CDK9: variants seen among roughly 807,000 people sequenced by gnomAD.
The protein encoded by CDK9 is cyclin-dependent kinase 9.
CDK9 carries 34 observed loss-of-function variants against 39.0 expected under a neutral mutation model. The ratio of observed to expected loss-of-function variants is 0.87; its 90% CI spans 0.66 to 1.16. CDK9 has a LOEUF of 1.16. CDK9 is among the 50% of genes most tolerant of loss of function. CDK9 has a pLI of 0.00. For synonymous variants in CDK9, 233 were observed against 196.2 expected, an observed-to-expected ratio of 1.19 and a Z score of -1.57; for missense variants, 369 against 503.2, an observed-to-expected ratio of 0.73 and a Z score of 2.55.
rs1286065733 is a variant in CDK9, at chr9:127,786,112, A to G, written c.-37A>G. On this transcript the variant is annotated 5_prime_UTR_variant, in exon 1 of 7. Coordinates refer to ENST00000373264, the MANE Select transcript of CDK9 (RefSeq NM_001261.4). ...GACCCGGAGCAGGAGCGGCGGCAGC[A>G]GCGACTGGGGGCGGCGGCGGCGCGT... is the stretch of plus-strand genomic sequence containing the variant. The G allele has an allele frequency of 1.3e-6, 2 of 1,521,852 alleles. No homozygotes were observed. The highest frequency in any genetic ancestry group is 1.4e-5 in the African/African-American group (1 of 69,994). 94.3% of individuals were successfully genotyped at this position (1,521,852 alleles called of 1,614,324 possible).
intron 5 of CDK9, 25 bp downstream of exon 5, chr9:127,788,410 G>A (rs375548421): frequency 3.1e-6 from 5 of 1,601,434 alleles, no homozygotes; most frequent in African/African-American, 1.3e-5. Flanking sequence ...GCGGGCCAAG[G>A]GGGGTGAGGG....
intron 3 of CDK9, 109 bp from the exon 4 acceptor site, chr9:127,787,838 T>A (rs1829358149): frequency 1.7e-6 from 2 of 1,177,438 alleles, no homozygotes; most frequent in Admixed American, 3.6e-5. Context: ...ACAGATGCTC[T>A]GGAGGGCATG....
intron 3 of CDK9, 99 bp downstream of exon 3, chr9:127,787,707 A>G: frequency 1.0e-6 from 1 of 966,636 alleles, no homozygotes; most frequent in Non-Finnish European, 1.7e-6. Flanking sequence ...TTCTTAACTC[A>G]GATGGACCCA....
rs200127201 is a variant in CDK9 at position 127,786,678 on chromosome 9, C to T, written c.93-23C>T. The T allele has an allele frequency of 1.4e-5, 23 of 1,608,804 alleles. No individual in the cohort carries two copies. The African/African-American group carries it at 2.7e-4, about 19-fold the overall frequency. Reference sequence around the variant, plus strand: ...CTGCGGAAATGGCCTGATGAGTTCTCGGGTCTCCCTTTCCGCCTGCAGGGA... The same window carrying T: ...CTGCGGAAATGGCCTGATGAGTTCTTGGGTCTCCCTTTCCGCCTGCAGGGA... On this transcript the variant is annotated intron_variant, in intron 1 of 6. Transcript: ENST00000373264.
chr9:127,790,095 T>C lies in CDK9; in HGVS notation c.*552T>C, dbSNP rs1050937826. Reference sequence around the variant, plus strand: ...ATTTTTTTTTTTTTTAAATTTTTTTTTTTCCTCCAGGACTTGTGTGTTTTG... The same window carrying C: ...ATTTTTTTTTTTTTTAAATTTTTTTCTTTCCTCCAGGACTTGTGTGTTTTG... On this transcript the variant is annotated 3_prime_UTR_variant, in exon 7 of 7. Coordinates refer to ENST00000373264, the MANE Select transcript of CDK9 (RefSeq NM_001261.4). 6 of 152,990 alleles carry C rather than the reference T, an allele frequency of 3.9e-5. No homozygotes were observed. In the East Asian group the frequency reaches 1.2e-3, roughly 29 times the overall value. 9.5% of individuals were successfully genotyped at this position (152,990 alleles called of 1,614,324 possible).
At chr9:127,788,779 C>T (rs1464229470) in intron 6 of CDK9, 87 bp downstream of exon 6, 4 of 1,354,438 alleles carry the variant, frequency 3.0e-6, no homozygotes, top group Non-Finnish European at 2.0e-6. Context: ...GAGCGCTCCT[C>T]TCTGGAAGGG....
At position 127,788,283 on chromosome 9, in the gene CDK9, T is replaced by G; in HGVS notation, c.502T>G (p.Phe168Val). 1 of 1,613,630 alleles carries G rather than the reference T, an allele frequency of 6.2e-7. No individual in the cohort carries two copies. The highest frequency in any genetic ancestry group is 8.5e-7 in the Non-Finnish European group (1 of 1,180,022). The change falls in exon 5 of 7, where the codon TTT (phenylalanine) becomes GTT (valine). Residue 168 changes from phenylalanine to valine, a missense_variant. Physicochemically the swap from Phe to Val is conservative, Grantham distance 50. Coordinates refer to ENST00000373264, the MANE Select transcript of CDK9 (RefSeq NM_001261.4). ...TRDGVLKLAD[F>V]GLARAFSLAK... ...TGATGGGGTCCTGAAGCTGGCAGAC[T>G]TTGGGCTGGCCCGGGCCTTCAGCCT...
In CDK9 at chr9:127,788,834, G is replaced by T. The variant is rs189495293; in HGVS notation, c.753+142G>T. ...GCCTGTCTTGGGGTGGGGAGTGTGT[G>T]GGAGAAAAAAACACCTGACACAGGC... is the stretch of plus-strand genomic sequence containing the variant. On this transcript the variant is annotated intron_variant, in intron 6 of 6. Coordinates refer to ENST00000373264, the MANE Select transcript of CDK9 (RefSeq NM_001261.4). 146 of 891,732 alleles carry T rather than the reference G, an allele frequency of 1.6e-4. 1 individual carries two copies. In the East Asian group the frequency reaches 3.8e-3, roughly 23 times the overall value. The allele number at this position is 891,732 out of a possible 1,614,324, so 55.2% of individuals were successfully genotyped here.
In CDK9 at chr9:127,788,198, C is replaced by G; in HGVS notation, c.433-16C>G. On this transcript the variant is annotated splice_polypyrimidine_tract_variant and intron_variant, in intron 4 of 6. Transcript: ENST00000373264. Reference sequence around the variant, plus strand: ...GGTGGATGTCACTAAAGGACCCACTCTTGCCCTTCCTGCAGATCCTGCATA... The same window carrying G: ...GGTGGATGTCACTAAAGGACCCACTGTTGCCCTTCCTGCAGATCCTGCATA... 3 of 1,613,906 alleles carry G rather than the reference C, an allele frequency of 1.9e-6. No individual in the cohort carries two copies. In the East Asian group the frequency reaches 6.7e-5, roughly 36 times the overall value.
rs778807180 is a variant in CDK9 at position 127,786,121 on chromosome 9, GGGC to G, written c.-17_-15del. The G allele has an allele frequency of 8.4e-6, 13 of 1,555,812 alleles. No individual in the cohort carries two copies. The highest frequency in any genetic ancestry group is 5.6e-5 in the African/African-American group (4 of 71,006). On this transcript the variant is annotated 5_prime_UTR_variant, in exon 1 of 7. Transcript: ENST00000373264. ...CAGGAGCGGCGGCAGCAGCGACTGG[GGGC>G]GGCGGCGGCGCGTTGGAGGCGGCCA...
rs1041197079 is a variant in CDK9, at chr9:127,789,971, CTTGG to C, written c.*431_*434del. ...AGAAACACTGGGGCTGGCACAAACT[CTTGG>C]TTTCTTCAACAGGAGAATTTTACTG... On this transcript the variant is annotated 3_prime_UTR_variant, in exon 7 of 7. Coordinates refer to ENST00000373264, the MANE Select transcript of CDK9 (RefSeq NM_001261.4). This position sits in a 1 kb window ranked among gnomAD's most constrained non-coding sequence, Gnocchi z 5.2. 1 of 165,438 alleles carries C rather than the reference CTTGG, an allele frequency of 6.0e-6. No individual in the cohort carries two copies. The highest frequency in any genetic ancestry group is 2.4e-5 in the African/African-American group (1 of 41,752). 10.2% of individuals were successfully genotyped at this position (165,438 alleles called of 1,614,324 possible).
chr9:127,786,406 G>GGTGGGGAGGAGCCTGAGGCCC (rs1829319661), intron 1 of CDK9, among the ~76,000 whole-genome samples, 166 bp downstream of exon 1: 1 of 152,164 alleles, frequency 6.6e-6, no homozygotes, highest in Non-Finnish European at 1.5e-5. Context: ...GGAGCCGGCT[G>GGTGGGGAGGAGCCTGAGGCCC]GTGGGGAGGA....
At position 127,786,053 on chromosome 9, in the gene CDK9, G is replaced by A; in HGVS notation, c.-96G>A. ...GTGGCCGTGGAGGCGGAAGTGGCGC[G>A]GCCGCGGAGGGGCCTGGAGTGCGGC... On this transcript the variant is annotated 5_prime_UTR_variant, in exon 1 of 7. Transcript: ENST00000373264. 2.8e-6 allele frequency: 2 copies of A among 724,014 alleles called. No individual in the cohort carries two copies. The highest frequency in any genetic ancestry group is 3.3e-4 in the Middle Eastern group (1 of 3,012). The allele number at this position is 724,014 out of a possible 1,614,324, so 44.8% of individuals were successfully genotyped here. A position where few individuals can be genotyped will look rare whatever the true frequency, so the allele number is the denominator to read the frequency against.
rs1366507607 is a variant in CDK9, at chr9:127,788,677, C to T, written c.738C>T (p.Gly246=). The change falls in exon 6 of 7, where the codon GGC becomes GGT. Residue 246 remains glycine (G), a synonymous_variant. Coordinates refer to ENST00000373264, the MANE Select transcript of CDK9 (RefSeq NM_001261.4). ...TCGCCCTCATCAGTCAGCTCTGCGG[C>T]TCCATCACCCCTGAGGTACGGGGCC... ...HQLALISQLC[G]SITPEVWPNV... The T allele has an allele frequency of 6.2e-6, 10 of 1,606,088 alleles. No homozygotes were observed. The African/African-American group carries it at 9.4e-5, about 15-fold the overall frequency.
rs543799859 is a variant in CDK9 at position 127,787,856 on chromosome 9, G to C, written c.266-91G>C. On this transcript the variant is annotated intron_variant, in intron 3 of 6. Coordinates refer to ENST00000373264, the MANE Select transcript of CDK9 (RefSeq NM_001261.4). The stretch of plus-strand genomic sequence containing the variant: ...GATGCTCTGGAGGGCATGGGTGCCC[G>C]TGGGTTGGAGCAGGAAGAAAGAAGC... The C allele has an allele frequency of 3.6e-6, 5 of 1,382,496 alleles. No individual in the cohort carries two copies. The Admixed American group carries it at 5.1e-5, about 14-fold the overall frequency. 85.6% of individuals were successfully genotyped at this position (1,382,496 alleles called of 1,614,324 possible). A position where few individuals can be genotyped will look rare whatever the true frequency, so the allele number is the denominator to read the frequency against.
Position 127,786,070 on chromosome 9 carries a change from G to A in CDK9, c.-79G>A. 9.4e-7 allele frequency: 1 copy of A among 1,061,832 alleles called. No homozygotes were observed. The highest frequency in any genetic ancestry group is 1.4e-6 in the Non-Finnish European group (1 of 737,772). The allele number at this position is 1,061,832 out of a possible 1,614,324, so 65.8% of individuals were successfully genotyped here. A position where few individuals can be genotyped will look rare whatever the true frequency, so the allele number is the denominator to read the frequency against. On this transcript the variant is annotated 5_prime_UTR_variant, in exon 1 of 7. Coordinates refer to ENST00000373264, the MANE Select transcript of CDK9 (RefSeq NM_001261.4). ...AGTGGCGCGGCCGCGGAGGGGCCTG[G>A]AGTGCGGCGGCGGCGGGACCCGGAG...
chr9:127,788,808 G>C, intron 6 of CDK9, 116 bp downstream of exon 6: 1 of 1,095,096 alleles, frequency 9.1e-7, no homozygotes, highest in South Asian at 1.7e-5. Context: ...TTGGTGACAG[G>C]GCCTGTCTTG....
At chr9:127,787,023 G>A (rs1201384480) in intron 2 of CDK9, among the ~76,000 whole-genome samples, 1 of 152,338 alleles carries the variant, frequency 6.6e-6, no homozygotes, top group East Asian at 1.9e-4. Context: ...ACGAAGTTAG[G>A]AAGCCTTTAA....
chr9:127,788,700 G>A lies in CDK9; in HGVS notation c.753+8G>A, dbSNP rs551379074. The A allele has an allele frequency of 1.3e-6, 2 of 1,585,564 alleles. No individual in the cohort carries two copies. Among genetic ancestry groups the A allele is most frequent in the Admixed American group, 1.8e-5 (1 of 55,706 alleles). On this transcript the variant is annotated splice_region_variant and intron_variant, in intron 6 of 6. Transcript: ENST00000373264. Reference sequence around the variant, plus strand: ...GGCTCCATCACCCCTGAGGTACGGGGCCCCGGTCCCCACGGGGTGCAGAGA... The same window carrying A: ...GGCTCCATCACCCCTGAGGTACGGGACCCCGGTCCCCACGGGGTGCAGAGA...
Sources: gnomAD v4.1 joint callset for allele counts (sites outside exome capture counted in the v4.1 genomes callset) on GRCh38, gnomAD v4.1.1 for gene constraint, Gnocchi (gnomAD v3.1) non-coding constraint, MANE v1.5 for transcripts, NCBI Gene and HGNC (gene_info 2026-07-23, HGNC 2026-07-21) for gene names.